Variants in CNIH3 observed in about 807,000 individuals in gnomAD.
CNIH3 encodes the protein cornichon family AMPA receptor auxiliary protein 3, also known as protein cornichon homolog 3.
A neutral mutation model predicts 24.1 loss-of-function variants in CNIH3; 14 were observed. The observed-to-expected ratio is 0.58, with a 90% CI of 0.38 to 0.91. CNIH3 has a LOEUF of 0.91. CNIH3 is among the 40% of genes least tolerant of loss of function. CNIH3 has a pLI of 0.00. For missense variants in CNIH3, 178 were observed against 196.8 expected (o/e 0.90, Z 0.57); for synonymous variants, 68 against 73.8 (o/e 0.92, Z 0.40).
intron 1 of CNIH3, among the ~76,000 whole-genome samples, chr1:224,467,704 A>G (rs1676203697): frequency 6.6e-6 from 1 of 151,884 alleles, no homozygotes; most frequent in Non-Finnish European, 1.5e-5. Flanking sequence ...GATTACAGGC[A>G]TGAGCCACTG....
At chr1:224,639,175 G>A (rs1431034101) in intron 1 of CNIH3, among the ~76,000 whole-genome samples, 1 of 152,220 alleles carries the variant, frequency 6.6e-6, no homozygotes, top group Non-Finnish European at 1.5e-5. Context: ...ACATACTATT[G>A]ACCTTTGAGC....
chr1:224,673,388 T>G (rs1216711415), intron 1 of CNIH3, among the ~76,000 whole-genome samples: 1 of 152,156 alleles, frequency 6.6e-6, no homozygotes, highest in Non-Finnish European at 1.5e-5. Flanking sequence ...CCCCTCCCCC[T>G]GCTGTCTGTC....
intron 1 of CNIH3, among the ~76,000 whole-genome samples, chr1:224,510,225 TAGA>T: frequency 6.6e-6 from 1 of 151,988 alleles, no homozygotes; most frequent in East Asian, 1.9e-4. Flanking sequence ...GGAGCAGAGG[TAGA>T]AGAAGCTGGA....
At chr1:224,578,913 G>A (rs1414056155) in intron 4 of CNIH3, among the ~76,000 whole-genome samples, 1 of 152,078 alleles carries the variant, frequency 6.6e-6, no homozygotes, top group Non-Finnish European at 1.5e-5. Flanking sequence ...AGTTCAGAGG[G>A]CCCTTTCAAT....
chr1:224,459,881 A>AT (rs3065475), intron 1 of CNIH3, among the ~76,000 whole-genome samples: 118,293 of 136,156 alleles, frequency 0.87, 53,372 homozygotes, highest in East Asian at 0.99. Flanking sequence ...TGGAACCCCT[A>AT]TTTTTTTTTT....
At chr1:224,732,248 A>G (rs1402783614) in intron 4 of CNIH3, among the ~76,000 whole-genome samples, 2 of 152,100 alleles carry the variant, frequency 1.3e-5, no homozygotes, top group Non-Finnish European at 2.9e-5. Flanking sequence ...CTTGGCCCAT[A>G]ATTGGGTGCA....
intron 1 of CNIH3, among the ~76,000 whole-genome samples, chr1:224,668,535 T>C (rs1465427642): frequency 6.6e-6 from 1 of 152,206 alleles, no homozygotes; most frequent in Non-Finnish European, 1.5e-5. Context: ...TCTTGGAAGA[T>C]ACTTTGGGGA....
At chr1:224,538,303 G>T (rs1679371985), downstream of CNIH3, among the ~76,000 whole-genome samples, 1 of 152,094 alleles carries the variant, frequency 6.6e-6, no homozygotes, top group South Asian at 2.1e-4. Flanking sequence ...CCAAGTTCTA[G>T]ATTCGTTCTC....
At chr1:224,497,077 A>C (rs1677468279) in intron 1 of CNIH3, among the ~76,000 whole-genome samples, 1 of 152,252 alleles carries the variant, frequency 6.6e-6, no homozygotes, top group African/African-American at 2.4e-5. Context: ...ATGCTACAAC[A>C]TGGATGACTC....
At chr1:224,506,651 G>C (rs1292649755) in intron 1 of CNIH3, among the ~76,000 whole-genome samples, 12 of 152,126 alleles carry the variant, frequency 7.9e-5, no homozygotes, top group Admixed American at 7.9e-4. Context: ...AGATCAGAAG[G>C]GCAGCCAACA....
chr1:224,528,326 T>G (rs1451698003), intron 2 of CNIH3, among the ~76,000 whole-genome samples: 1 of 152,146 alleles, frequency 6.6e-6, no homozygotes, highest in Non-Finnish European at 1.5e-5. Context: ...CTTATTTATT[T>G]ATGTATTTTT....
At chr1:224,609,418 C>A (rs1192018422) in intron 3 of CNIH3, among the ~76,000 whole-genome samples, 2 of 151,600 alleles carry the variant, frequency 1.3e-5, no homozygotes, top group Admixed American at 1.3e-4. Context: ...GGTTGCTTAG[C>A]CAGGGCAGAG....
intron 2 of CNIH3, 101 bp downstream of exon 2, chr1:224,681,127 C>T (rs1686379306): frequency 7.1e-6 from 7 of 980,624 alleles, no homozygotes; most frequent in Non-Finnish European, 1.1e-5. Context: ...GCGTAAAGAA[C>T]ATGCTCGCCC....
At chr1:224,485,907 A>G (rs1392794988) in intron 1 of CNIH3, among the ~76,000 whole-genome samples, 1 of 152,188 alleles carries the variant, frequency 6.6e-6, no homozygotes, top group Admixed American at 6.5e-5. Context: ...ATTTGGGAAC[A>G]CTGGGAACTT....
At chr1:224,455,325 T>C (rs940711305) in intron 1 of CNIH3, among the ~76,000 whole-genome samples, 1 of 152,032 alleles carries the variant, frequency 6.6e-6, no homozygotes, top group Non-Finnish European at 1.5e-5. Context: ...ATGAGTGAGG[T>C]GGGGGCCTGA....
At chr1:224,696,715 A>G (rs1159471849) in intron 3 of CNIH3, among the ~76,000 whole-genome samples, 2 of 152,152 alleles carry the variant, frequency 1.3e-5, no homozygotes, top group Non-Finnish European at 2.9e-5. Flanking sequence ...TTCAACTGGA[A>G]TTCATTTAGC....
At chr1:224,638,376 G>A (rs931023391) in intron 1 of CNIH3, among the ~76,000 whole-genome samples, 13 of 152,208 alleles carry the variant, frequency 8.5e-5, no homozygotes, top group African/African-American at 2.7e-4. Context: ...AGGGGCCTCC[G>A]GAAGGCTCTG....
intron 1 of CNIH3, among the ~76,000 whole-genome samples, chr1:224,502,190 G>A (rs889381669): frequency 6.6e-6 from 1 of 152,152 alleles, no homozygotes; most frequent in Non-Finnish European, 1.5e-5. Flanking sequence ...GAAACAGAGG[G>A]AATCAAGTCA....
intron 2 of CNIH3, among the ~76,000 whole-genome samples, chr1:224,682,830 G>C: frequency 6.6e-6 from 1 of 152,192 alleles, no homozygotes; most frequent in East Asian, 1.9e-4. Context: ...AAATTAATAG[G>C]CAGCTCACTT....
Sources: gnomAD v4.1 joint callset for allele counts (sites outside exome capture counted in the v4.1 genomes callset) on GRCh38, gnomAD v4.1.1 for gene constraint, MANE v1.5 for transcripts, NCBI Gene and HGNC (gene_info 2026-07-23, HGNC 2026-07-21) for gene names.